The following GRAMD1C variants were observed in gnomAD, a reference collection of about 807,000 sequenced individuals.
GRAMD1C encodes the protein GRAM domain containing 1C.
In GRAMD1C, 89 loss-of-function variants were observed where a neutral mutation model predicts 97.8. The observed-to-expected ratio is 0.91, with a 90% CI of 0.77 to 1.09. GRAMD1C has a LOEUF of 1.09. Among genes scored for constraint, GRAMD1C ranks in the 50% least tolerant of loss-of-function variants. The pLI is 0.00. For synonymous variants in GRAMD1C, 256 were observed against 267.0 expected (o/e 0.96, Z 0.40); for missense variants, 740 against 766.4 (o/e 0.97, Z 0.41).
upstream of GRAMD1C, chr3:113,838,626 G>C (rs1709680988): frequency 2.8e-6 from 1 of 355,048 alleles, no homozygotes; most frequent in African/African-American, 2.1e-5. Flanking sequence ...GCACATTGGG[G>C]CAGGGTATGC....
At chr3:113,850,616 A>G (rs937140250) in intron 2 of GRAMD1C, 2 of 1,607,448 alleles carry the variant, frequency 1.2e-6, no homozygotes, top group African/African-American at 2.7e-5. Flanking sequence ...GGTTGGGCAC[A>G]TTCTTGTCTG....
At chr3:113,859,890 A>G (rs1466513812) in intron 2 of GRAMD1C, among the ~76,000 whole-genome samples, 2 of 152,228 alleles carry the variant, frequency 1.3e-5, no homozygotes, top group African/African-American at 4.8e-5. Context: ...TTCCCAGATT[A>G]TTCTGTGAGG....
At chr3:113,866,938 C>G (rs1934608700) in intron 2 of GRAMD1C, among the ~76,000 whole-genome samples, 1 of 151,992 alleles carries the variant, frequency 6.6e-6, no homozygotes, top group African/African-American at 2.4e-5. Flanking sequence ...AAGGGATTCT[C>G]CTGCTTCAGC....
intron 10 of GRAMD1C, among the ~76,000 whole-genome samples, chr3:113,917,588 C>G (rs919215348): frequency 6.6e-6 from 1 of 152,032 alleles, no homozygotes; most frequent in Admixed American, 6.6e-5. Flanking sequence ...TCCCAAAGTA[C>G]TAGGATTACA....
chr3:113,852,373 TA>T (rs1165781851), intron 2 of GRAMD1C, among the ~76,000 whole-genome samples: 2 of 152,124 alleles, frequency 1.3e-5, no homozygotes, highest in African/African-American at 4.8e-5. Flanking sequence ...TATGTTGGAT[TA>T]AAAAAACATT....
intron 15 of GRAMD1C, 59 bp from the exon 16 acceptor site, chr3:113,939,827 C>A: frequency 1.2e-6 from 1 of 855,584 alleles, no homozygotes; most frequent in Non-Finnish European, 2.0e-6. Context: ...GTATATTCTG[C>A]ATTAGCAATG....
intron 2 of GRAMD1C, among the ~76,000 whole-genome samples, chr3:113,849,377 G>A (rs1933759979): frequency 6.6e-6 from 1 of 151,696 alleles, no homozygotes; most frequent in South Asian, 2.1e-4. Context: ...CAATAGTGGA[G>A]GGAAGCTCAG....
intron 6 of GRAMD1C, among the ~76,000 whole-genome samples, chr3:113,891,454 T>G (rs137978881): frequency 2.1e-3 from 317 of 152,192 alleles, no homozygotes; most frequent in African/African-American, 7.3e-3. Flanking sequence ...TAAAGCCACA[T>G]TGGTTAAATT....
chr3:113,914,330 A>G (rs1454514030), intron 9 of GRAMD1C, among the ~76,000 whole-genome samples: 2 of 152,214 alleles, frequency 1.3e-5, no homozygotes, highest in Non-Finnish European at 2.9e-5. Context: ...ATCAATATCT[A>G]TCTGATATCC....
In GRAMD1C at chr3:113,855,562, G is replaced by A. The variant is rs944981065; in HGVS notation, c.174+10913G>A. Among the ~76,000 whole-genome samples the A allele has an allele frequency of 1.4e-4, 21 of 151,702 alleles. 1 individual carries two copies. Among genetic ancestry groups the A allele is most frequent in the South Asian group, 4.2e-4 (2 of 4,798 alleles). The stretch of plus-strand genomic sequence containing the variant: ...CTAATAAAAATAAAAAAAATAAGCC[G>A]AGCATGGTGGTGCGCGCCTGTAATC... On this transcript the variant is annotated intron_variant, in intron 2 of 17. Coordinates refer to ENST00000358160, the MANE Select transcript of GRAMD1C (RefSeq NM_017577.5).
At chr3:113,876,062 A>G (rs1935017104) in intron 4 of GRAMD1C, 103 bp from the exon 5 acceptor site, 3 of 639,124 alleles carry the variant, frequency 4.7e-6, no homozygotes, top group Non-Finnish European at 8.4e-6. Flanking sequence ...AAGAATATTC[A>G]ACTGTGAAGT....
intron 8 of GRAMD1C, among the ~76,000 whole-genome samples, chr3:113,905,855 C>T (rs1169081387): frequency 2.6e-5 from 4 of 152,154 alleles, no homozygotes; most frequent in Non-Finnish European, 4.4e-5. Context: ...GCCACTATGC[C>T]TGGCTACTTT....
At position 113,945,433 on chromosome 3, in the gene GRAMD1C, T is replaced by C; in HGVS notation, c.1944T>C (p.Phe648=). 6.2e-7 allele frequency: 1 copy of C among 1,602,048 alleles called. No homozygotes were observed. The highest frequency in any genetic ancestry group is 1.1e-5 in the South Asian group (1 of 90,508). ...CACTCATTATGCTTCAGAAAACGTT[T>C]GATCTACTAAATAAGAATAAGACTG... ...KSSLIMLQKT[F]DLLNKNKTGM... The change falls in exon 18 of 18, where the codon TTT becomes TTC. Residue 648 remains phenylalanine (F), a synonymous_variant. Transcript: ENST00000358160.
chr3:113,837,170 C>G (rs886979144), upstream of GRAMD1C, among the ~76,000 whole-genome samples: 3 of 150,974 alleles, frequency 2.0e-5, no homozygotes, highest in Non-Finnish European at 4.4e-5. Flanking sequence ...TGGGGCCCCC[C>G]TGTTTTGCCC....
chr3:113,838,702 G>GT (rs1709682187), upstream of GRAMD1C: 2 of 372,068 alleles, frequency 5.4e-6, no homozygotes, highest in Non-Finnish European at 4.8e-6. Context: ...CCCCTAGAAA[G>GT]ACAAGCCTTC....
At chr3:113,904,990 A>G (rs1936316122) in intron 8 of GRAMD1C, among the ~76,000 whole-genome samples, 1 of 152,050 alleles carries the variant, frequency 6.6e-6, no homozygotes, top group Non-Finnish European at 1.5e-5. Flanking sequence ...ACGTGCCACC[A>G]CGCCTGGGTA....
At chr3:113,846,252 A>G (rs558157457) in intron 2 of GRAMD1C, among the ~76,000 whole-genome samples, 11 of 152,068 alleles carry the variant, frequency 7.2e-5, no homozygotes, top group Admixed American at 1.3e-4. Flanking sequence ...GATTACAAGC[A>G]CCTGTCACCA....
At chr3:113,857,121 G>A (rs1445203563) in intron 2 of GRAMD1C, among the ~76,000 whole-genome samples, 1 of 151,904 alleles carries the variant, frequency 6.6e-6, no homozygotes, top group East Asian at 1.9e-4. Flanking sequence ...TTATAGGCGT[G>A]AGCCACCATG....
chr3:113,920,166 A>T (rs1163649546), intron 10 of GRAMD1C: 2 of 1,408,688 alleles, frequency 1.4e-6, no homozygotes, highest in Non-Finnish European at 2.0e-6. Flanking sequence ...GAATCTCCAG[A>T]ATCACAGGCA....
Sources: gnomAD v4.1 joint callset for allele counts (sites outside exome capture counted in the v4.1 genomes callset) on GRCh38, gnomAD v4.1.1 for gene constraint, MANE v1.5 for transcripts, NCBI Gene and HGNC (gene_info 2026-07-23, HGNC 2026-07-21) for gene names.